The following ME3 variants were observed in gnomAD, a reference collection of about 807,000 sequenced individuals.
ME3 encodes the protein malic enzyme 3.
ME3 carries 48 observed loss-of-function variants against 68.9 expected under a neutral mutation model. That is an observed-to-expected ratio of 0.70 (90% CI 0.55 to 0.89). ME3 has a LOEUF of 0.89. Among genes scored for constraint, ME3 ranks in the 40% least tolerant of loss-of-function variants. The probability of loss-of-function intolerance (pLI) is 0.00; values close to 1 mark genes in which losing one functional copy is unlikely to be tolerated. For missense variants in ME3, 675 were observed against 797.4 expected (o/e 0.85, Z 1.85); for synonymous variants, 320 against 318.8 (o/e 1.00, Z -0.04).
chr11:86,443,159 A>G (rs1475998998), intron 13 of ME3, among the ~76,000 whole-genome samples: 1 of 152,200 alleles, frequency 6.6e-6, no homozygotes, highest in African/African-American at 2.4e-5. Flanking sequence ...ATTCCAAAGG[A>G]AAATCACTAA....
intron 4 of ME3, among the ~76,000 whole-genome samples, chr11:86,521,349 TG>T (rs1261719906): frequency 6.6e-6 from 1 of 151,208 alleles, no homozygotes; most frequent in Non-Finnish European, 1.5e-5. Flanking sequence ...GAGCCGAGAC[TG>T]CGCCACTGCA....
intron 7 of ME3, among the ~76,000 whole-genome samples, chr11:86,470,138 T>C (rs939154805): frequency 4.6e-5 from 7 of 152,150 alleles, no homozygotes; most frequent in South Asian, 2.1e-4. Context: ...TTTCCATAGG[T>C]CAGGACCTGC....
intron 4 of ME3, among the ~76,000 whole-genome samples, chr11:86,513,290 C>G (rs1320872953): frequency 6.6e-6 from 1 of 152,162 alleles, no homozygotes; most frequent in Non-Finnish European, 1.5e-5. Context: ...CTCTGCTCTG[C>G]AAAAATAACA....
At chr11:86,490,751 T>A (rs1382528029) in intron 6 of ME3, among the ~76,000 whole-genome samples, 1 of 152,194 alleles carries the variant, frequency 6.6e-6, no homozygotes, top group Non-Finnish European at 1.5e-5. Flanking sequence ...CTTTGGCAGT[T>A]CTTACAAAGA....
intron 6 of ME3, among the ~76,000 whole-genome samples, chr11:86,497,378 G>A (rs611730): frequency 0.32 from 48,926 of 152,034 alleles, 8,007 homozygotes; most frequent in East Asian, 0.33. Context: ...AGAGCTGCGA[G>A]TCACAGACAT....
At chr11:86,611,513 CAATG>C (rs993455576) in intron 2 of ME3, among the ~76,000 whole-genome samples, 1 of 145,196 alleles carries the variant, frequency 6.9e-6, no homozygotes, top group African/African-American at 2.6e-5. Flanking sequence ...CATCATCTCA[CAATG>C]TATGTATATA....
intron 2 of ME3, among the ~76,000 whole-genome samples, chr11:86,611,516 T>C (rs663627): frequency 3.9e-4 from 58 of 148,676 alleles, no homozygotes; most frequent in Non-Finnish European, 6.4e-4. Flanking sequence ...CATCTCACAA[T>C]GTATGTATAT....
At chr11:86,628,918 G>C (rs542479660) in intron 2 of ME3, among the ~76,000 whole-genome samples, 1 of 152,284 alleles carries the variant, frequency 6.6e-6, no homozygotes, top group Admixed American at 6.5e-5. Flanking sequence ...GCAAGGGATG[G>C]AAAAATCAAA....
At chr11:86,642,847 A>C (rs1451466144) in intron 2 of ME3, among the ~76,000 whole-genome samples, 1 of 152,262 alleles carries the variant, frequency 6.6e-6, no homozygotes, top group Non-Finnish European at 1.5e-5. Context: ...TTAAAGACAC[A>C]TAACTGCCAA....
At chr11:86,528,415 T>A (rs1441341264) in intron 4 of ME3, among the ~76,000 whole-genome samples, 1 of 152,158 alleles carries the variant, frequency 6.6e-6, no homozygotes, top group East Asian at 1.9e-4. Context: ...TGGGAGAGTT[T>A]AGCATCCCAC....
rs1043278943 is a variant in ME3, at chr11:86,575,632, C to T, written c.184-15809G>A. ...GAGGAGACAGAGATGAAGTGGATGA[C>T]GTGCTCCCCCCCAGGTTGGGTGCAG... is the stretch of plus-strand genomic sequence containing the variant. On this transcript the variant is annotated intron_variant, in intron 2 of 14. Coordinates refer to ENST00000543262, the Ensembl canonical transcript of ME3. Among the ~76,000 whole-genome samples, 12 of 117,970 alleles carry T rather than the reference C, an allele frequency of 1.0e-4. 3 individuals carry two copies. The highest frequency in any genetic ancestry group is 4.8e-4 in the African/African-American group (12 of 25,188). The allele number at this position is 117,970 out of a possible 152,430, so 77.4% of individuals were successfully genotyped here.
intron 2 of ME3, among the ~76,000 whole-genome samples, chr11:86,561,936 T>G (rs1469276477): frequency 6.6e-6 from 1 of 152,220 alleles, no homozygotes; most frequent in African/African-American, 2.4e-5. Flanking sequence ...TTTTTAAAAA[T>G]CTGGACACAT....
At chr11:86,549,008 G>A (rs986671405) in intron 4 of ME3, among the ~76,000 whole-genome samples, 3 of 152,204 alleles carry the variant, frequency 2.0e-5, no homozygotes, top group Non-Finnish European at 2.9e-5. Context: ...TCGTTGATAC[G>A]TAAATTCTCT....
intron 4 of ME3, among the ~76,000 whole-genome samples, chr11:86,513,740 C>A (rs1235100770): frequency 6.6e-6 from 1 of 152,168 alleles, no homozygotes; most frequent in South Asian, 2.1e-4. Flanking sequence ...CCAGTCAGAA[C>A]CTTGCCCATC....
At chr11:86,591,045 C>T (rs561535039) in intron 2 of ME3, among the ~76,000 whole-genome samples, 2 of 152,302 alleles carry the variant, frequency 1.3e-5, no homozygotes, top group South Asian at 2.1e-4. Flanking sequence ...ACATGCAAGC[C>T]TGGATGTTTC....
intron 4 of ME3, among the ~76,000 whole-genome samples, chr11:86,527,006 C>G (rs1162194303): frequency 1.3e-5 from 2 of 152,208 alleles, no homozygotes; most frequent in East Asian, 1.9e-4. Flanking sequence ...TGGAACAAAG[C>G]TGGACAGAGA....
chr11:86,619,895 CT>C (rs1266077697), intron 2 of ME3, among the ~76,000 whole-genome samples: 2 of 152,206 alleles, frequency 1.3e-5, no homozygotes, highest in Non-Finnish European at 1.5e-5. Flanking sequence ...GCCTGATCAG[CT>C]GATTAATGTT....
chr11:86,656,825 A>G (rs1394022411), intron 2 of ME3, among the ~76,000 whole-genome samples: 2 of 151,724 alleles, frequency 1.3e-5, no homozygotes, highest in African/African-American at 4.8e-5. Context: ...ACACTTCTCT[A>G]AAGAAGACAC....
At chr11:86,548,618 C>T (rs936875884) in intron 4 of ME3, among the ~76,000 whole-genome samples, 1 of 152,172 alleles carries the variant, frequency 6.6e-6, no homozygotes, top group African/African-American at 2.4e-5. Flanking sequence ...TTTACTTTTG[C>T]ATTTTCCTCC....
Sources: allele counts gnomAD v4.1 joint callset (sites outside exome capture counted in the v4.1 genomes callset), GRCh38; gene constraint gnomAD v4.1.1; transcripts MANE v1.5; gene names NCBI Gene and HGNC (gene_info 2026-07-23, HGNC 2026-07-21).